The following THSD4 variants were observed in gnomAD, a reference collection of about 807,000 sequenced individuals.
THSD4 encodes thrombospondin type 1 domain containing 4.
In THSD4, 69 loss-of-function variants were observed where a neutral mutation model predicts 119.0. The ratio of observed to expected loss-of-function variants is 0.58; its 90% CI spans 0.48 to 0.71. THSD4 has a LOEUF of 0.71. THSD4 is among the 30% of genes least tolerant of loss of function. THSD4 has a pLI of 0.00. For synonymous variants in THSD4, 524 were observed against 540.4 expected (o/e 0.97, Z 0.42); for missense variants, 1,393 against 1,391.1 (o/e 1.00, Z -0.02).
intron 4 of THSD4, among the ~76,000 whole-genome samples, chr15:71,232,690 A>C (rs1297671050): frequency 6.6e-6 from 1 of 152,172 alleles, no homozygotes. Context: ...AGGGGAAGGG[A>C]GACGAAGACC....
intron 8 of THSD4, among the ~76,000 whole-genome samples, chr15:71,683,405 G>C (rs1260143101): frequency 6.6e-6 from 1 of 152,072 alleles, no homozygotes; most frequent in Non-Finnish European, 1.5e-5. Context: ...TGGGTACTGG[G>C]AATACTCAGA....
chr15:71,737,924 C>T lies in THSD4; in HGVS notation c.1823C>T (p.Pro608Leu). 6.2e-7 allele frequency: 1 copy of T among 1,614,214 alleles called. No homozygotes were observed. The change falls in exon 11 of 18, where the codon CCA becomes CTA. Residue 608 changes from proline (P) to leucine (L), a missense_variant. Physicochemically the swap from Pro to Leu is moderately conservative, Grantham distance 98 (BLOSUM62 -3). Transcript: ENST00000261862. ...SPHRPDNLVPPAPQPPRRSRD... is the reference protein window; with the variant it reads ...SPHRPDNLVPLAPQPPRRSRD... The stretch of plus-strand genomic sequence containing the variant: ...CATCGACCGGACAACTTGGTGCCAC[C>T]AGCACCGCAGCCCCCACGGCGCAGC...
At chr15:71,443,004 G>A (rs1446368639) in intron 7 of THSD4, among the ~76,000 whole-genome samples, 2 of 151,852 alleles carry the variant, frequency 1.3e-5, no homozygotes, top group Non-Finnish European at 2.9e-5. Flanking sequence ...GCAGACCCAG[G>A]AAGATTAGGT....
At chr15:71,232,434 C>G (rs570834073) in intron 4 of THSD4, among the ~76,000 whole-genome samples, 1 of 152,132 alleles carries the variant, frequency 6.6e-6, no homozygotes, top group Non-Finnish European at 1.5e-5. Flanking sequence ...CAATAAGAAA[C>G]AGGGAGCATA....
intron 3 of THSD4, among the ~76,000 whole-genome samples, chr15:71,188,504 G>T (rs1162129153): frequency 6.6e-6 from 1 of 152,110 alleles, no homozygotes; most frequent in Non-Finnish European, 1.5e-5. Context: ...TAGCCAAGGT[G>T]AACAGGAGGA....
rs190865337 is a variant in THSD4, at chr15:71,429,222, G to A, written c.1152+17399G>A. ...CCCAGTAGCTCAATGGGATACAGAT[G>A]TTTATATACCCTTCTCCATAGAGGA... On this transcript the variant is annotated intron_variant, in intron 7 of 17. Coordinates refer to ENST00000261862, the MANE Select transcript of THSD4 (RefSeq NM_024817.3). Among the ~76,000 whole-genome samples the A allele has an allele frequency of 4.8e-3, 724 of 152,320 alleles. 2 individuals are homozygous for A. The highest frequency in any genetic ancestry group is 6.3e-3 in the Non-Finnish European group (426 of 68,028).
intron 6 of THSD4, among the ~76,000 whole-genome samples, chr15:71,408,433 A>C (rs781314226): frequency 6.6e-6 from 1 of 152,012 alleles, no homozygotes; most frequent in Non-Finnish European, 1.5e-5. Context: ...GGGTCTCATT[A>C]TGTTGCCCAG....
intron 3 of THSD4, among the ~76,000 whole-genome samples, chr15:71,203,268 A>T (rs2043817880): frequency 1.3e-5 from 2 of 152,172 alleles, no homozygotes; most frequent in Non-Finnish European, 2.9e-5. Context: ...ATGCCATGGC[A>T]AAGAGTAATT....
At chr15:71,216,141 T>C (rs1410728621) in intron 4 of THSD4, among the ~76,000 whole-genome samples, 3 of 152,264 alleles carry the variant, frequency 2.0e-5, no homozygotes, top group Non-Finnish European at 2.9e-5. Flanking sequence ...TTGTTGGGTG[T>C]CTTAGTGCCT....
At chr15:71,193,403 C>A (rs16955258) in intron 3 of THSD4, among the ~76,000 whole-genome samples, 43,542 of 152,012 alleles carry the variant, frequency 0.29, 6,498 homozygotes, top group East Asian at 0.5. Context: ...TGAGATATGA[C>A]GCACAGGGAA....
At chr15:71,660,408 C>A in intron 7 of THSD4, 122 bp from the exon 8 acceptor site, 1 of 1,215,826 alleles carries the variant, frequency 8.2e-7, no homozygotes, top group Non-Finnish European at 1.2e-6. Context: ...CCACCCCACT[C>A]CTAGAATATA....
chr15:71,470,051 G>A (rs576415426), intron 7 of THSD4, among the ~76,000 whole-genome samples: 1 of 152,176 alleles, frequency 6.6e-6, no homozygotes, highest in African/African-American at 2.4e-5. Flanking sequence ...TTTATGCAAA[G>A]GTGTAAAGGC....
chr15:71,514,758 A>G (rs974702828), intron 7 of THSD4, among the ~76,000 whole-genome samples: 1 of 152,224 alleles, frequency 6.6e-6, no homozygotes, highest in Non-Finnish European at 1.5e-5. Flanking sequence ...CAGTAAATAA[A>G]AACATTTTAA....
chr15:71,741,661 C>G (rs1025692158), intron 11 of THSD4, among the ~76,000 whole-genome samples: 7 of 148,546 alleles, frequency 4.7e-5, no homozygotes, highest in African/African-American at 1.0e-4. Context: ...AATATTTAGC[C>G]CATATACACC....
intron 7 of THSD4, among the ~76,000 whole-genome samples, chr15:71,561,936 T>TCTC (rs1231412969): frequency 5.4e-5 from 8 of 149,100 alleles, no homozygotes; most frequent in Non-Finnish European, 1.0e-4. Flanking sequence ...TCACTCACTC[T>TCTC]CTCTCTTCTC....
At chr15:71,477,093 G>A (rs1470991023) in intron 7 of THSD4, among the ~76,000 whole-genome samples, 1 of 152,208 alleles carries the variant, frequency 6.6e-6, no homozygotes, top group Non-Finnish European at 1.5e-5. Flanking sequence ...ATAATTTGCA[G>A]TACAGTTCCT....
intron 7 of THSD4, among the ~76,000 whole-genome samples, chr15:71,442,626 A>G (rs77153682): frequency 6.5e-5 from 4 of 61,878 alleles, no homozygotes; most frequent in South Asian, 1.5e-3. Flanking sequence ...GTGTATATAT[A>G]TATGTATGTG....
intron 6 of THSD4, among the ~76,000 whole-genome samples, chr15:71,345,684 A>C (rs955454250): frequency 2.6e-5 from 4 of 152,098 alleles, no homozygotes; most frequent in Non-Finnish European, 4.4e-5. Flanking sequence ...GAAAGGAAGC[A>C]CTTTTCCTTT....
chr15:71,727,587 T>C (rs6494960), intron 8 of THSD4, among the ~76,000 whole-genome samples: 813 of 9,134 alleles, frequency 0.089, 21 homozygotes, highest in African/African-American at 0.2. Context: ...TATATATATA[T>C]ACACACACAC....
Sources: allele counts gnomAD v4.1 joint callset (sites outside exome capture counted in the v4.1 genomes callset), GRCh38; gene constraint gnomAD v4.1.1; transcripts MANE v1.5; gene names NCBI Gene and HGNC (gene_info 2026-07-23, HGNC 2026-07-21).